The following PALLD variants were observed in gnomAD, a reference collection of about 807,000 sequenced individuals.
The protein encoded by PALLD is palladin.
In PALLD, 61 loss-of-function variants were observed where a neutral mutation model predicts 123.5. The observed-to-expected ratio is 0.49, with a 90% CI of 0.40 to 0.61. PALLD has a LOEUF of 0.61. Ranked by LOEUF, PALLD falls within the 20% of genes least tolerant of loss-of-function variation. PALLD has a pLI of 0.00. For missense variants in PALLD, 1,273 were observed against 1,377.0 expected, an observed-to-expected ratio of 0.92 and a Z score of 1.20; for synonymous variants, 465 against 496.4, an observed-to-expected ratio of 0.94 and a Z score of 0.84.
intron 2 of PALLD, among the ~76,000 whole-genome samples, chr4:168,629,074 T>C (rs1775571695): frequency 6.6e-6 from 1 of 151,782 alleles, no homozygotes; most frequent in East Asian, 1.9e-4. Flanking sequence ...TGGAGTATAA[T>C]GACGCGATCT....
intron 2 of PALLD, among the ~76,000 whole-genome samples, chr4:168,528,133 C>A (rs1353746225): frequency 6.6e-6 from 1 of 152,138 alleles, no homozygotes; most frequent in Non-Finnish European, 1.5e-5. Context: ...CTAGCTAGGA[C>A]CACAACTGCT....
At chr4:168,745,247 C>A (rs1390498585) in intron 10 of PALLD, among the ~76,000 whole-genome samples, 1 of 152,196 alleles carries the variant, frequency 6.6e-6, no homozygotes, top group Non-Finnish European at 1.5e-5. Context: ...TCATCTTCGT[C>A]ATCATTATCA....
intron 2 of PALLD, among the ~76,000 whole-genome samples, chr4:168,561,385 C>T (rs1213119984): frequency 6.6e-6 from 1 of 152,126 alleles, no homozygotes; most frequent in African/African-American, 2.4e-5. Context: ...CCTCAGCCTC[C>T]CAAGTAGCTG....
chr4:168,507,868 T>C (rs73863629), intron 1 of PALLD, among the ~76,000 whole-genome samples: 272 of 152,332 alleles, frequency 1.8e-3, no homozygotes, highest in African/African-American at 6.4e-3. Flanking sequence ...TCTGTTTAGC[T>C]GAAATGCTTA....
At chr4:168,878,266 C>G (rs1333174219) in intron 10 of PALLD, 1 of 1,526,438 alleles carries the variant, frequency 6.6e-7, no homozygotes, top group Non-Finnish European at 8.7e-7. Context: ...AGGCGTCCCA[C>G]TGCTCGTCGC....
Position 168,573,517 on chromosome 4 carries a change from G to T in PALLD, c.908+61105G>T, listed in dbSNP as rs756544320. Among the ~76,000 whole-genome samples the T allele has an allele frequency of 1.1e-3, 161 of 152,174 alleles. 1 individual carries two copies. The highest frequency in any genetic ancestry group is 3.4e-3 in the Middle Eastern group (1 of 294). On this transcript the variant is annotated intron_variant, in intron 2 of 21. Coordinates refer to ENST00000505667, the MANE Select transcript of PALLD (RefSeq NM_001166108.2). ...TGAATGAATGGCTAAGAAGATTGATGGTCATGTAAGGAAACATATCCCAAA... is the reference window on the plus strand; with the variant it reads ...TGAATGAATGGCTAAGAAGATTGATTGTCATGTAAGGAAACATATCCCAAA...
chr4:168,798,901 G>A (rs964537795), intron 10 of PALLD, among the ~76,000 whole-genome samples: 2 of 152,154 alleles, frequency 1.3e-5, no homozygotes, highest in African/African-American at 4.8e-5. Flanking sequence ...AGAAAGAAGT[G>A]TTAAAAGAAA....
chr4:168,733,929 G>C (rs967275373), intron 10 of PALLD, among the ~76,000 whole-genome samples: 1 of 152,166 alleles, frequency 6.6e-6, no homozygotes, highest in East Asian at 1.9e-4. Context: ...TAGAGACGGG[G>C]TTTCACCATG....
rs1750756210 is a variant in PALLD, at chr4:168,869,286, A to G, written c.1965-21636A>G. Among the ~76,000 whole-genome samples the G allele has an allele frequency of 6.6e-6, 1 of 152,204 alleles. No individual in the cohort carries two copies. The highest frequency in any genetic ancestry group is 2.4e-5 in the African/African-American group (1 of 41,452). On this transcript the variant is annotated intron_variant, in intron 10 of 21. Transcript: ENST00000505667. The surrounding 1 kb of genome is among the most constrained non-coding windows in gnomAD (Gnocchi z 4.5). ...AAAACACTGTAATAATCAAGAAGAT[A>G]GAACACATCTGGCTCTGGGCGATCT...
intron 8 of PALLD, among the ~76,000 whole-genome samples, chr4:168,692,375 C>A (rs1782712897): frequency 6.6e-6 from 1 of 152,134 alleles, no homozygotes; most frequent in Admixed American, 6.5e-5. Flanking sequence ...CAGAGCAAGT[C>A]CCCCCACTTA....
At chr4:168,693,148 TTCACATCTACCC>T (rs1561407683) in intron 8 of PALLD, among the ~76,000 whole-genome samples, 10 of 147,902 alleles carry the variant, frequency 6.8e-5, no homozygotes, top group African/African-American at 2.3e-4. Flanking sequence ...CTCCTTCTGT[TTCACATCTACCC>T]TGCGCCCTGC....
At chr4:168,908,317 A>G (rs1184732937) in intron 15 of PALLD, among the ~76,000 whole-genome samples, 1 of 152,102 alleles carries the variant, frequency 6.6e-6, no homozygotes, top group Non-Finnish European at 1.5e-5. Context: ...GTGACACACC[A>G]TTTTTCTACC....
chr4:168,705,687 A>T (rs1173868230), intron 8 of PALLD, among the ~76,000 whole-genome samples: 1 of 152,006 alleles, frequency 6.6e-6, no homozygotes, highest in African/African-American at 2.4e-5. Context: ...CCCAGGCTGG[A>T]GTGCAGTGGC....
chr4:168,658,284 GGTTTT>G (rs1405380481), intron 2 of PALLD, among the ~76,000 whole-genome samples: 2 of 120,770 alleles, frequency 1.7e-5, no homozygotes, highest in African/African-American at 6.9e-5. Flanking sequence ...GTTTTTATTT[GGTTTT>G]TTTTTTTTTT....
intron 10 of PALLD, among the ~76,000 whole-genome samples, chr4:168,733,866 C>T (rs1215094144): frequency 6.6e-6 from 1 of 152,182 alleles, no homozygotes; most frequent in African/African-American, 2.4e-5. Context: ...TCCTGAGTAG[C>T]TGGGACTACA....
intron 2 of PALLD, among the ~76,000 whole-genome samples, chr4:168,533,493 A>C (rs1238668753): frequency 3.3e-5 from 5 of 152,232 alleles, no homozygotes; most frequent in Non-Finnish European, 2.9e-5. Flanking sequence ...AGTCTGAATG[A>C]CTAGATGACT....
intron 10 of PALLD, among the ~76,000 whole-genome samples, chr4:168,864,749 G>C (rs1451766990): frequency 6.6e-6 from 1 of 152,090 alleles, no homozygotes; most frequent in Non-Finnish European, 1.5e-5. Context: ...AGCAAAATAA[G>C]CTCAATACTA....
intron 2 of PALLD, among the ~76,000 whole-genome samples, chr4:168,543,672 T>G (rs1313021676): frequency 6.6e-6 from 1 of 152,260 alleles, no homozygotes; most frequent in Non-Finnish European, 1.5e-5. Context: ...TGAGTCATCA[T>G]TTGAAGGGTA....
intron 2 of PALLD, among the ~76,000 whole-genome samples, chr4:168,575,113 G>T (rs987835606): frequency 6.6e-6 from 1 of 152,126 alleles, no homozygotes; most frequent in Admixed American, 6.6e-5. Context: ...GCATGAATCT[G>T]ATTCGCTACA....
Sources: gnomAD v4.1 joint callset for allele counts (sites outside exome capture counted in the v4.1 genomes callset) on GRCh38, gnomAD v4.1.1 for gene constraint, Gnocchi (gnomAD v3.1) non-coding constraint, MANE v1.5 for transcripts, NCBI Gene and HGNC (gene_info 2026-07-23, HGNC 2026-07-21) for gene names.